The following NIPBL variants were observed in gnomAD, a reference collection of about 807,000 sequenced individuals.
NIPBL encodes nipped-B-like protein.
NIPBL carries 19 observed loss-of-function variants against 321.8 expected under a neutral mutation model. The ratio of observed to expected loss-of-function variants is 0.06; its 90% CI spans 0.04 to 0.09. NIPBL has a LOEUF of 0.09. Among genes scored for constraint, NIPBL ranks in the 10% least tolerant of loss-of-function variants. The pLI, the probability that NIPBL is intolerant of heterozygous loss-of-function variation, is 1.00. For missense variants in NIPBL, 2,210 were observed against 3,327.0 expected (o/e 0.66, Z 8.26); for synonymous variants, 1,106 against 1,114.1 (o/e 0.99, Z 0.14).
At chr5:37,051,005 T>A (rs1753482150) in intron 40 of NIPBL, 1 of 152,270 alleles carries the variant, frequency 6.6e-6, no homozygotes, top group African/African-American at 2.4e-5. Context: ...TTTTTGTGTT[T>A]TTGTAGAGAC....
intron 32 of NIPBL, among the ~76,000 whole-genome samples, chr5:37,028,457 C>T (rs1252672720): frequency 6.6e-6 from 1 of 151,612 alleles, no homozygotes; most frequent in Non-Finnish European, 1.5e-5. Context: ...TCTCCTACCT[C>T]AGCCTCCCAA....
At position 36,933,710 on chromosome 5, in the gene NIPBL, G is replaced by A. The variant is rs145361891; in HGVS notation, c.-79-19908G>A. On this transcript the variant is annotated intron_variant, in intron 1 of 46. Transcript: ENST00000282516. Reference sequence around the variant, plus strand: ...AAAATTACCCAATTCCATTTAATTCGGTAGCAGTAAGATACCAGTTGGCTT... The same window carrying A: ...AAAATTACCCAATTCCATTTAATTCAGTAGCAGTAAGATACCAGTTGGCTT... Among the ~76,000 whole-genome samples, 17 of 151,826 alleles carry A rather than the reference G, an allele frequency of 1.1e-4. No homozygotes were observed. The East Asian group carries it at 2.3e-3, about 21-fold the overall frequency.
At chr5:36,914,318 A>G (rs1416729508) in intron 1 of NIPBL, among the ~76,000 whole-genome samples, 2 of 152,278 alleles carry the variant, frequency 1.3e-5, no homozygotes, top group South Asian at 4.1e-4. Flanking sequence ...CTTTAAACCT[A>G]TGGATAATGG....
chr5:36,978,390 ATCT>A (rs1743750712), intron 9 of NIPBL, among the ~76,000 whole-genome samples: 1 of 151,882 alleles, frequency 6.6e-6, no homozygotes, highest in Non-Finnish European at 1.5e-5. Flanking sequence ...CTGTGTGTAC[ATCT>A]TCTTTTGAGA....
At position 37,052,299 on chromosome 5, in the gene NIPBL, T is replaced by C. The variant is rs1753647900; in HGVS notation, c.7063-67T>C. On this transcript the variant is annotated intron_variant, in intron 41 of 46. Transcript: ENST00000282516. ...TGAAGCTAGCCTCAGAATGTAATGC[T>C]CTAAGTATATTTTTAATTTGTGTCT... The C allele has an allele frequency of 5.9e-5, 73 of 1,241,068 alleles. 1 individual carries two copies. The South Asian group carries it at 8.2e-4, about 14-fold the overall frequency. 76.9% of individuals were successfully genotyped at this position (1,241,068 alleles called of 1,614,324 possible). A position where few individuals can be genotyped will look rare whatever the true frequency, so the allele number is the denominator to read the frequency against.
At chr5:37,022,521 A>G (rs571089722) in intron 29 of NIPBL, 131 bp downstream of exon 29, 72 of 779,636 alleles carry the variant, frequency 9.2e-5, no homozygotes, top group South Asian at 5.2e-4. Flanking sequence ...TTTATGAACT[A>G]TTGCCACTTT....
In NIPBL at chr5:37,066,169, C is replaced by T. The variant is rs567657559; in HGVS notation, c.*1277C>T. On this transcript the variant is annotated 3_prime_UTR_variant, in exon 47 of 47. Transcript: ENST00000282516. ...CTAAATCAGGAGGGAGGTGTTTAATCATTTGATATGTATAGTTGACACTCA... is the reference window on the plus strand; with the variant it reads ...CTAAATCAGGAGGGAGGTGTTTAATTATTTGATATGTATAGTTGACACTCA... 1.3e-5 allele frequency: 2 copies of T among 152,258 alleles called. No homozygotes were observed. The highest frequency in any genetic ancestry group is 4.1e-4 in the South Asian group (2 of 4,830). The allele number at this position is 152,258 out of a possible 1,614,324, so 9.4% of individuals were successfully genotyped here.
chr5:36,957,592 G>C (rs1326763591), intron 3 of NIPBL, among the ~76,000 whole-genome samples: 1 of 152,054 alleles, frequency 6.6e-6, no homozygotes, highest in Non-Finnish European at 1.5e-5. Flanking sequence ...TCTCTTGACT[G>C]TGTAAAGTAA....
At chr5:37,001,963 T>G (rs1746859910) in intron 14 of NIPBL, among the ~76,000 whole-genome samples, 1 of 152,172 alleles carries the variant, frequency 6.6e-6, no homozygotes, top group African/African-American at 2.4e-5. Context: ...TTTTAAAACT[T>G]TACAGTTCTG....
chr5:36,899,614 TGCCTC>T (rs879617021), intron 1 of NIPBL, among the ~76,000 whole-genome samples: 7 of 152,244 alleles, frequency 4.6e-5, no homozygotes, highest in Non-Finnish European at 1.0e-4. Context: ...AATAAATGAC[TGCCTC>T]CAAAGGATTG....
At chr5:36,967,103 T>G (rs1489683211) in intron 6 of NIPBL, among the ~76,000 whole-genome samples, 1 of 151,974 alleles carries the variant, frequency 6.6e-6, no homozygotes, top group East Asian at 1.9e-4. Flanking sequence ...TACAGATCGA[T>G]AAGAACAAGA....
intron 1 of NIPBL, chr5:36,885,769 T>C: frequency 1.6e-6 from 1 of 618,434 alleles, no homozygotes; most frequent in Non-Finnish European, 3.0e-6. Context: ...GCAAGGTCAT[T>C]GATGACACCA....
rs562934714 is a variant in NIPBL at position 36,994,047 on chromosome 5, G to A, written c.3122-1575G>A. ...AAGACTTTATAGTGAGGTGCAGAACGTGTTCAGTTTGGGGCTGAAAATATG... is the reference window on the plus strand; with the variant it reads ...AAGACTTTATAGTGAGGTGCAGAACATGTTCAGTTTGGGGCTGAAAATATG... On this transcript the variant is annotated intron_variant, in intron 10 of 46. Transcript: ENST00000282516. Among the ~76,000 whole-genome samples, 86 of 152,266 alleles carry A rather than the reference G, an allele frequency of 5.6e-4. 1 individual carries two copies. The highest frequency in any genetic ancestry group is 2.1e-3 in the African/African-American group (86 of 41,566).
At chr5:36,902,058 T>C (rs753976143) in intron 1 of NIPBL, among the ~76,000 whole-genome samples, 37 of 152,210 alleles carry the variant, frequency 2.4e-4, no homozygotes, top group Non-Finnish European at 7.3e-5. Context: ...TATGTTTTCT[T>C]TTGAGAAGTG....
chr5:36,890,457 C>T (rs1023307887), intron 1 of NIPBL, among the ~76,000 whole-genome samples: 3 of 152,226 alleles, frequency 2.0e-5, no homozygotes, highest in African/African-American at 7.2e-5. Flanking sequence ...ATAGAATACA[C>T]ACTTCCTATG....
intron 1 of NIPBL, among the ~76,000 whole-genome samples, chr5:36,905,751 GT>G (rs1333627955): frequency 5.4e-5 from 8 of 147,470 alleles, no homozygotes; most frequent in Non-Finnish European, 7.5e-5. Flanking sequence ...TTGTTTTTGT[GT>G]TTTTTTTTTG....
intron 1 of NIPBL, chr5:36,885,352 C>G (rs1338864868): frequency 4.2e-6 from 2 of 473,410 alleles, no homozygotes; most frequent in African/African-American, 2.0e-5. Context: ...TCTCCGTGTC[C>G]TGTTCCACCA....
rs757777589 is a variant in NIPBL at position 37,022,162 on chromosome 5, A to G, written c.5427+13A>G. On this transcript the variant is annotated intron_variant, in intron 28 of 46. Transcript: ENST00000282516. Reference sequence around the variant, plus strand: ...TATTCTAGCAAGGGTAAAGAGCAAAAATGATTCTTTCTTTTCTACTCGAAT... The same window carrying G: ...TATTCTAGCAAGGGTAAAGAGCAAAGATGATTCTTTCTTTTCTACTCGAAT... The G allele has an allele frequency of 1.2e-6, 2 of 1,613,716 alleles. No individual in the cohort carries two copies. The highest frequency in any genetic ancestry group is 1.7e-6 in the Non-Finnish European group (2 of 1,179,642).
chr5:37,038,800 A>G (rs917763349), intron 34 of NIPBL, 62 bp downstream of exon 34: 3 of 1,539,380 alleles, frequency 1.9e-6, no homozygotes, highest in Admixed American at 1.7e-5. Flanking sequence ...TTAAATTTAG[A>G]GTTCACATGC....
Sources: gnomAD v4.1 joint callset for allele counts (sites outside exome capture counted in the v4.1 genomes callset) on GRCh38, gnomAD v4.1.1 for gene constraint, MANE v1.5 for transcripts, NCBI Gene and HGNC (gene_info 2026-07-23, HGNC 2026-07-21) for gene names.